Variants in AMOTL1 observed in about 807,000 individuals in gnomAD.
AMOTL1 encodes the protein angiomotin-like protein 1.
Under a neutral mutation model 102.9 loss-of-function variants are expected in AMOTL1, and 45 were observed. The ratio of observed to expected loss-of-function variants is 0.44; its 90% confidence interval spans 0.34 to 0.56. The LOEUF (loss-of-function observed/expected upper bound fraction) is 0.56. AMOTL1 is among the 20% of genes least tolerant of loss of function. AMOTL1 has a pLI of 0.01. For missense variants in AMOTL1, 1,114 were observed against 1,225.6 expected (o/e 0.91, Z 1.36); for synonymous variants, 481 against 484.7 (o/e 0.99, Z 0.10).
rs1295724771 is a variant in AMOTL1, at chr11:94,815,516, CTT to C, written c.1122-6013_1122-6012del. On this transcript the variant is annotated intron_variant, in intron 3 of 12. Coordinates refer to ENST00000433060, the MANE Select transcript of AMOTL1 (RefSeq NM_130847.3). Reference sequence around the variant, plus strand: ...AGTGGAATAAATGCCTATAAATAAACTTATCATATAATTTAAAATCTAAAGTT... The same window carrying C: ...AGTGGAATAAATGCCTATAAATAAACATCATATAATTTAAAATCTAAAGTT... 3.3e-5 allele frequency among the ~76,000 whole-genome samples: 5 copies of C among 152,034 alleles called. No homozygotes were observed. The East Asian group carries it at 5.8e-4, about 18-fold the overall frequency.
chr11:94,709,563 T>C (rs1245464019), intron 1 of AMOTL1, among the ~76,000 whole-genome samples: 1 of 152,112 alleles, frequency 6.6e-6, no homozygotes, highest in Non-Finnish European at 1.5e-5. Context: ...AAGTCCAAGT[T>C]GGCCACATGG....
At chr11:94,819,965 A>G (rs1951834989) in intron 3 of AMOTL1, among the ~76,000 whole-genome samples, 1 of 152,198 alleles carries the variant, frequency 6.6e-6, no homozygotes, top group Admixed American at 6.5e-5. Flanking sequence ...TCATGATCTC[A>G]AAGATAGGAG....
chr11:94,852,764 T>C (rs1952570584), intron 7 of AMOTL1, among the ~76,000 whole-genome samples: 1 of 152,172 alleles, frequency 6.6e-6, no homozygotes, highest in Non-Finnish European at 1.5e-5. Flanking sequence ...TACCTATCTA[T>C]AAAGGACTCT....
chr11:94,723,269 G>A (rs1950202942), intron 1 of AMOTL1, among the ~76,000 whole-genome samples: 1 of 152,082 alleles, frequency 6.6e-6, no homozygotes, highest in Non-Finnish European at 1.5e-5. Flanking sequence ...AAAAATCATT[G>A]TCCTAATGGA....
At chr11:94,846,668 A>G (rs1376454466) in intron 6 of AMOTL1, among the ~76,000 whole-genome samples, 1 of 152,212 alleles carries the variant, frequency 6.6e-6, no homozygotes, top group Non-Finnish European at 1.5e-5. Context: ...AAACTGTGTT[A>G]TAATGGGGCT....
intron 1 of AMOTL1, among the ~76,000 whole-genome samples, chr11:94,718,319 C>T (rs186839922): frequency 1.1e-4 from 16 of 151,886 alleles, no homozygotes; most frequent in African/African-American, 3.9e-4. Context: ...TATAACTATA[C>T]CTTACTTTAA....
intron 1 of AMOTL1, among the ~76,000 whole-genome samples, chr11:94,707,273 T>C (rs1949947433): frequency 6.6e-6 from 1 of 151,682 alleles, no homozygotes; most frequent in Non-Finnish European, 1.5e-5. Context: ...TGTGTGTGTG[T>C]GTGTGTGTGT....
At chr11:94,738,240 C>A (rs1270492032) in intron 2 of AMOTL1, among the ~76,000 whole-genome samples, 1 of 144,690 alleles carries the variant, frequency 6.9e-6, no homozygotes, top group East Asian at 2.1e-4. Flanking sequence ...AAAATAAGAC[C>A]AGAGAGCATA....
intron 1 of AMOTL1, among the ~76,000 whole-genome samples, chr11:94,790,849 C>G (rs1186993531): frequency 2.6e-5 from 4 of 152,168 alleles, no homozygotes; most frequent in African/African-American, 9.7e-5. Context: ...CAGGAACTGA[C>G]CCTTGGGAAT....
At chr11:94,807,059 T>C (rs909880073) in intron 3 of AMOTL1, among the ~76,000 whole-genome samples, 2 of 152,186 alleles carry the variant, frequency 1.3e-5, no homozygotes, top group African/African-American at 4.8e-5. Flanking sequence ...AAAGTAATTA[T>C]GGTTTTTGCC....
chr11:94,786,650 A>G (rs1951194307), intron 1 of AMOTL1, among the ~76,000 whole-genome samples: 1 of 152,120 alleles, frequency 6.6e-6, no homozygotes, highest in Non-Finnish European at 1.5e-5. Flanking sequence ...CATTATGTAC[A>G]AAGCCTTTGT....
chr11:94,825,722 T>C (rs925047542), intron 4 of AMOTL1, among the ~76,000 whole-genome samples: 2 of 152,138 alleles, frequency 1.3e-5, no homozygotes, highest in Non-Finnish European at 2.9e-5. Flanking sequence ...TATCAGAGGG[T>C]GCTTAAGATG....
chr11:94,742,724 GT>G (rs1265182252), intron 3 of AMOTL1, among the ~76,000 whole-genome samples: 1 of 152,212 alleles, frequency 6.6e-6, no homozygotes. Flanking sequence ...AGATTGGGTA[GT>G]TTGTAAACAG....
At chr11:94,768,625 C>T in intron 1 of AMOTL1, 65 bp downstream of exon 1, 13 of 1,553,184 alleles carry the variant, frequency 8.4e-6, no homozygotes, top group Non-Finnish European at 1.1e-5. Flanking sequence ...AGAACCCAGT[C>T]GCCCCGGGCT....
chr11:94,715,533 G>A (rs1950083694), intron 1 of AMOTL1, among the ~76,000 whole-genome samples: 2 of 152,028 alleles, frequency 1.3e-5, no homozygotes, highest in African/African-American at 4.8e-5. Context: ...TTGTTTAATG[G>A]TAGGTCTGTT....
chr11:94,755,408 C>T (rs1284491325), intron 3 of AMOTL1, among the ~76,000 whole-genome samples: 3 of 152,236 alleles, frequency 2.0e-5, no homozygotes, highest in African/African-American at 7.2e-5. Context: ...AATGCACCAT[C>T]ACTCAGCCTC....
At chr11:94,794,240 C>A (rs1167599646) in intron 1 of AMOTL1, among the ~76,000 whole-genome samples, 1 of 152,214 alleles carries the variant, frequency 6.6e-6, no homozygotes, top group African/African-American at 2.4e-5. Flanking sequence ...GGTGCCCATG[C>A]AGAGGAATCA....
At position 94,836,756 on chromosome 11, in the gene AMOTL1, CCTT is replaced by C. The variant is rs1361052450; in HGVS notation, c.1648+5219_1648+5221del. 7.7e-5 allele frequency among the ~76,000 whole-genome samples: 11 copies of C among 143,318 alleles called. No homozygotes were observed. In the South Asian group the frequency reaches 8.9e-4, roughly 12 times the overall value. The allele number at this position is 143,318 out of a possible 152,430, so 94.0% of individuals were successfully genotyped here. On this transcript the variant is annotated intron_variant, in intron 6 of 12. Coordinates refer to ENST00000433060, the MANE Select transcript of AMOTL1 (RefSeq NM_130847.3). ...TCTTTTTTTGCATTCTTTCTTCCTT[CCTT>C]CTTTTTTTTTTTTTTTAGAATAGAA... is the stretch of plus-strand genomic sequence containing the variant.
chr11:94,764,856 A>G (rs898948337), upstream of AMOTL1, among the ~76,000 whole-genome samples: 4 of 152,188 alleles, frequency 2.6e-5, no homozygotes, highest in Admixed American at 2.0e-4. Context: ...CTTGACCTGT[A>G]TTATCTCATT....
Sources: allele counts gnomAD v4.1 joint callset (sites outside exome capture counted in the v4.1 genomes callset), GRCh38; gene constraint gnomAD v4.1.1; transcripts MANE v1.5; gene names NCBI Gene and HGNC (gene_info 2026-07-23, HGNC 2026-07-21).